The following ANKRD30B variants were observed in gnomAD, a reference collection of about 807,000 sequenced individuals.
The protein encoded by ANKRD30B is ankyrin repeat domain 30B.
ANKRD30B carries 144 observed loss-of-function variants against 202.2 expected under a neutral mutation model. The observed-to-expected ratio is 0.71, with a 90% CI of 0.62 to 0.82. ANKRD30B has a LOEUF of 0.82. Ranked by LOEUF, ANKRD30B falls within the 40% of genes least tolerant of loss-of-function variation. ANKRD30B has a pLI of 0.00. For synonymous variants in ANKRD30B, 508 were observed against 561.3 expected, an observed-to-expected ratio of 0.91 and a Z score of 1.34; for missense variants, 1,487 against 1,669.1, an observed-to-expected ratio of 0.89 and a Z score of 1.90.
Position 14,791,606 on chromosome 18 carries a change from A to G in ANKRD30B, c.1825+115A>G. ...TACCTCCTTAATGCAAAGCACAGAA[A>G]AAAGAGAAGTGAAACGGTGATAAGT... On this transcript the variant is annotated intron_variant, in intron 16 of 43. Coordinates refer to ENST00000690538, the MANE Select transcript of ANKRD30B (RefSeq NM_001367607.2). The G allele has an allele frequency of 6.4e-6, 5 of 780,258 alleles. 1 individual carries two copies. The Admixed American group carries it at 9.0e-5, about 14-fold the overall frequency. 48.3% of individuals were successfully genotyped at this position (780,258 alleles called of 1,614,324 possible).
chr18:14,827,562 C>G (rs1970718448), intron 32 of ANKRD30B, among the ~76,000 whole-genome samples: 1 of 152,052 alleles, frequency 6.6e-6, no homozygotes, highest in East Asian at 1.9e-4. Flanking sequence ...TGGAGAAAAT[C>G]CTCCACACAT....
intron 34 of ANKRD30B, among the ~76,000 whole-genome samples, chr18:14,834,929 G>A (rs1286970529): frequency 6.6e-6 from 1 of 151,726 alleles, no homozygotes; most frequent in Non-Finnish European, 1.5e-5. Context: ...TCTGTTTTAG[G>A]CCTTGCCAAC....
At chr18:14,913,590 G>C in the ANKRD30B span, among the ~76,000 whole-genome samples, 6 of 152,188 alleles carry the variant, frequency 3.9e-5, no homozygotes, top group Non-Finnish European at 5.9e-5. Context: ...ATCAGTTAGA[G>C]GCTTATTACG....
At chr18:14,931,412 G>A in the ANKRD30B span, among the ~76,000 whole-genome samples, 1 of 152,170 alleles carries the variant, frequency 6.6e-6, no homozygotes, top group African/African-American at 2.4e-5. Context: ...CCAGCATCTG[G>A]TAACCCCTTA....
the ANKRD30B span, among the ~76,000 whole-genome samples, chr18:14,887,205 C>G: frequency 6.6e-6 from 1 of 152,004 alleles, no homozygotes; most frequent in Non-Finnish European, 1.5e-5. Flanking sequence ...TTGTAATAAT[C>G]CTGTTATCTG....
At chr18:14,775,297 A>G (rs1967289963) in intron 9 of ANKRD30B, among the ~76,000 whole-genome samples, 1 of 152,262 alleles carries the variant, frequency 6.6e-6, no homozygotes, top group South Asian at 2.1e-4. Flanking sequence ...AGAAGGCACT[A>G]GGAATCTATT....
intron 16 of ANKRD30B, among the ~76,000 whole-genome samples, chr18:14,795,903 C>T (rs941978938): frequency 8.7e-5 from 13 of 149,534 alleles, no homozygotes; most frequent in African/African-American, 3.2e-4. Context: ...TTAGTAAATT[C>T]AACTTCTTTC....
chr18:14,891,892 A>G, the ANKRD30B span, among the ~76,000 whole-genome samples: 1 of 152,368 alleles, frequency 6.6e-6, no homozygotes, highest in East Asian at 1.9e-4. Flanking sequence ...TACTAATACA[A>G]TGAAAAATAC....
rs45455597 is a variant in ANKRD30B at position 14,814,652 on chromosome 18, G to T, written c.2582G>T (p.Gly861Val). 221,794 of 891,214 alleles carry T rather than the reference G, an allele frequency of 0.25. 60,108 individuals are homozygous for T. Among genetic ancestry groups the T allele is most frequent in the African/African-American group, 0.51 (19,860 of 39,164 alleles). The allele number at this position is 891,214 out of a possible 1,614,324, so 55.2% of individuals were successfully genotyped here. A position where few individuals can be genotyped will look rare whatever the true frequency, so the allele number is the denominator to read the frequency against. Reference sequence around the variant, plus strand: ...CTTGAGGCTCTCTTACAGAATGATGGGTGTTTACCCAAGGCTACACATCAA... The same window carrying T: ...CTTGAGGCTCTCTTACAGAATGATGTGTGTTTACCCAAGGCTACACATCAA... ...SFLEALLQND[G>V]CLPKATHQKE... Residue 861 changes from glycine to valine, a missense_variant, in exon 30 of 44, where the codon GGG becomes GTG. Gly to Val is a moderately radical substitution (Grantham distance 109). Coordinates refer to ENST00000690538, the MANE Select transcript of ANKRD30B (RefSeq NM_001367607.2).
chr18:14,820,931 A>G (rs1187218364), intron 30 of ANKRD30B, among the ~76,000 whole-genome samples: 2 of 152,164 alleles, frequency 1.3e-5, no homozygotes, highest in Non-Finnish European at 2.9e-5. Flanking sequence ...TAGTTTCAGA[A>G]GGAATGGTAC....
At chr18:14,864,639 C>T in the ANKRD30B span, among the ~76,000 whole-genome samples, 2 of 151,794 alleles carry the variant, frequency 1.3e-5, no homozygotes, top group East Asian at 3.9e-4. Context: ...TCTCCCTGGC[C>T]AGCCTTTTTT....
rs1263151591 is a variant in ANKRD30B, at chr18:14,748,348, C to G, written c.-72C>G. On this transcript the variant is annotated 5_prime_UTR_variant, in exon 1 of 44. Coordinates refer to ENST00000690538, the MANE Select transcript of ANKRD30B (RefSeq NM_001367607.2). ...GTGCTGGGGAAGGGTAAGCGGGAAG[C>G]GAGGGCGAGGGGTAGGGGCTGGGGA... 1 of 1,278,646 alleles carries G rather than the reference C, an allele frequency of 7.8e-7. No homozygotes were observed. The highest frequency in any genetic ancestry group is 2.8e-5 in the East Asian group (1 of 35,776). The allele number at this position is 1,278,646 out of a possible 1,614,324, so 79.2% of individuals were successfully genotyped here.
At chr18:14,897,598 CATA>C in the ANKRD30B span, among the ~76,000 whole-genome samples, 170 of 151,692 alleles carry the variant, frequency 1.1e-3, no homozygotes, top group African/African-American at 3.9e-3. Flanking sequence ...ATAAAGTTAG[CATA>C]ATATTTTTTT....
chr18:14,853,290 G>A (rs1178640475), intron 42 of ANKRD30B, among the ~76,000 whole-genome samples: 1 of 152,138 alleles, frequency 6.6e-6, no homozygotes, highest in Non-Finnish European at 1.5e-5. Context: ...CAAGGTTCAT[G>A]TATAGTACAA....
At chr18:14,777,930 CA>C (rs1967480520) in intron 9 of ANKRD30B, 54 bp from the exon 10 acceptor site, 5 of 1,353,824 alleles carry the variant, frequency 3.7e-6, no homozygotes, top group Middle Eastern at 1.8e-4. Context: ...GACTTCATCT[CA>C]AAAAAACAAA....
At chr18:14,769,502 A>C in intron 8 of ANKRD30B, 129 bp downstream of exon 8, 1 of 673,416 alleles carries the variant, frequency 1.5e-6, no homozygotes, top group Non-Finnish European at 2.4e-6. Context: ...ATCATCTCAC[A>C]TAGTCATCAC....
intron 6 of ANKRD30B, 147 bp downstream of exon 6, chr18:14,760,765 T>C (rs1013247614): frequency 7.5e-6 from 4 of 535,500 alleles, no homozygotes; most frequent in African/African-American, 4.1e-5. Context: ...TGTATATATA[T>C]GTATACATAG....
Position 14,778,133 on chromosome 18 carries a change from A to G in ANKRD30B, c.1420+58A>G, listed in dbSNP as rs1967498459. 6 of 1,136,134 alleles carry G rather than the reference A, an allele frequency of 5.3e-6. 1 individual carries two copies. The highest frequency in any genetic ancestry group is 6.4e-6 in the Non-Finnish European group (5 of 775,486). 70.4% of individuals were successfully genotyped at this position (1,136,134 alleles called of 1,614,324 possible). A position where few individuals can be genotyped will look rare whatever the true frequency, so the allele number is the denominator to read the frequency against. On this transcript the variant is annotated intron_variant, in intron 10 of 43. Coordinates refer to ENST00000690538, the MANE Select transcript of ANKRD30B (RefSeq NM_001367607.2). ...GACCAAATGTTTGTCTAAATTCATG[A>G]GGACTGATATACTCTGACAGCCAGA...
At chr18:14,882,090 T>C in the ANKRD30B span, among the ~76,000 whole-genome samples, 1 of 152,198 alleles carries the variant, frequency 6.6e-6, no homozygotes, top group South Asian at 2.1e-4. Context: ...TTTGTTGTTG[T>C]TGTTCTTGTG....
Sources: allele counts gnomAD v4.1 joint callset (sites outside exome capture counted in the v4.1 genomes callset), GRCh38; gene constraint gnomAD v4.1.1; transcripts MANE v1.5; gene names NCBI Gene and HGNC (gene_info 2026-07-23, HGNC 2026-07-21).